The following PNOC variants were observed in gnomAD, a reference collection of about 807,000 sequenced individuals.
PNOC encodes the protein prepronociceptin, also known as nociceptin.
PNOC carries 10 observed loss-of-function variants against 15.6 expected under a neutral mutation model. The ratio of observed to expected loss-of-function variants is 0.64; its 90% CI spans 0.40 to 1.09. The LOEUF (loss-of-function observed/expected upper bound fraction) is 1.09, where lower values mean the gene tolerates loss of function less well. Among genes scored for constraint, PNOC ranks in the 50% least tolerant of loss-of-function variants. The pLI is 0.01. For synonymous variants in PNOC, 98 were observed against 88.5 expected (o/e 1.11, Z -0.60); for missense variants, 220 against 223.9 (o/e 0.98, Z 0.11).
At chr8:28,329,068 G>A in intron 1 of PNOC, 67 bp from the exon 2 acceptor site, 1 of 1,496,598 alleles carries the variant, frequency 6.7e-7, no homozygotes, top group East Asian at 2.3e-5. Flanking sequence ...CTCTGGGTTA[G>A]GTCTCTGGCC....
chr8:28,334,108 A>G (rs947298574), intron 2 of PNOC, among the ~76,000 whole-genome samples: 2 of 151,844 alleles, frequency 1.3e-5, no homozygotes, highest in Non-Finnish European at 2.9e-5. Flanking sequence ...ACAACCAACA[A>G]TGTCTCCAGA....
Position 28,339,138 on chromosome 8 carries a change from C to A in PNOC, c.225C>A (p.Ala75=). The A allele has an allele frequency of 6.2e-7, 1 of 1,612,976 alleles. No homozygotes were observed. The highest frequency in any genetic ancestry group is 8.5e-7 in the Non-Finnish European group (1 of 1,179,010). Residue 75 remains alanine (A), a synonymous_variant, in exon 3 of 4, where the codon GCC becomes GCA. Transcript: ENST00000301908. ...GGAGCTCTTGGCAGCTCAGCCCTGC[C>A]GCCCCAGAGCATGTGGCGGCTGCTC... The part of the protein sequence containing the change: ...MARSSWQLSP[A]APEHVAAALY...
intron 1 of PNOC, among the ~76,000 whole-genome samples, chr8:28,318,808 G>C (rs1383566136): frequency 6.6e-6 from 1 of 152,200 alleles, no homozygotes; most frequent in African/African-American, 2.4e-5. Flanking sequence ...GTTTTGTTGC[G>C]CACAGGGCAG....
rs372383125 is a variant in PNOC, at chr8:28,320,776, G to A, written c.-24+3460G>A. Among the ~76,000 whole-genome samples, 29 of 149,976 alleles carry A rather than the reference G, an allele frequency of 1.9e-4. No homozygotes were observed. The South Asian group carries it at 4.5e-3, about 23-fold the overall frequency. On this transcript the variant is annotated intron_variant, in intron 1 of 3. Coordinates refer to ENST00000301908, the MANE Select transcript of PNOC (RefSeq NM_006228.5). ...TGAGGCAGGAGAATGGCGTGAACTC[G>A]GGAGGTGGAGGTTGCGGTGAGCCGA...
intron 3 of PNOC, among the ~76,000 whole-genome samples, 174 bp from the exon 4 acceptor site, chr8:28,342,768 G>T (rs898136430): frequency 3.3e-5 from 5 of 152,208 alleles, no homozygotes; most frequent in Non-Finnish European, 5.9e-5. Context: ...ACCCGGGGCT[G>T]GGGGAGCAGA....
intron 1 of PNOC, among the ~76,000 whole-genome samples, chr8:28,320,515 A>C (rs1468295188): frequency 6.6e-6 from 1 of 152,148 alleles, no homozygotes; most frequent in Non-Finnish European, 1.5e-5. Flanking sequence ...TTATAAATAA[A>C]TTAGGAATGT....
At chr8:28,339,771 A>C (rs1801484244) in intron 3 of PNOC, 1 of 214,706 alleles carries the variant, frequency 4.7e-6, no homozygotes, top group South Asian at 1.7e-4. Context: ...GAGCTTAGTT[A>C]CTATGGGGAC....
intron 1 of PNOC, among the ~76,000 whole-genome samples, chr8:28,326,796 G>T (rs1305615405): frequency 1.3e-5 from 2 of 152,180 alleles, no homozygotes; most frequent in African/African-American, 4.8e-5. Flanking sequence ...GGAGGTGATG[G>T]TTGCAGTGAG....
Position 28,342,985 on chromosome 8 carries a change from C to G in PNOC, c.*91C>G. On this transcript the variant is annotated 3_prime_UTR_variant, in exon 4 of 4. Transcript: ENST00000301908. ...AAACAGCATGTGCTCAGCCCCAGACCTGCCGCCTGGGAATCAGGATTCCTT... is the reference window on the plus strand; with the variant it reads ...AAACAGCATGTGCTCAGCCCCAGACGTGCCGCCTGGGAATCAGGATTCCTT... The G allele has an allele frequency of 1.0e-6, 1 of 985,444 alleles. No homozygotes were observed. The highest frequency in any genetic ancestry group is 4.7e-5 in the South Asian group (1 of 21,294). 61.0% of individuals were successfully genotyped at this position (985,444 alleles called of 1,614,324 possible).
intron 3 of PNOC, 21 bp downstream of exon 3, chr8:28,339,512 C>G: frequency 6.8e-7 from 1 of 1,478,246 alleles, no homozygotes; most frequent in South Asian, 1.4e-5. Flanking sequence ...CACCAATAAG[C>G]TGGGGGCAAG....
chr8:28,327,984 A>T (rs1440087618), intron 1 of PNOC, among the ~76,000 whole-genome samples: 2 of 151,342 alleles, frequency 1.3e-5, no homozygotes, highest in Non-Finnish European at 2.9e-5. Flanking sequence ...CCTCTTTTAT[A>T]AGGGCACTAA....
intron 1 of PNOC, among the ~76,000 whole-genome samples, chr8:28,319,011 G>C (rs985742901): frequency 6.6e-6 from 1 of 152,192 alleles, no homozygotes; most frequent in African/African-American, 2.4e-5. Flanking sequence ...CACTCCACCA[G>C]GCAGGGAGGC....
chr8:28,326,320 C>T (rs1040865842), intron 1 of PNOC, among the ~76,000 whole-genome samples: 3 of 152,212 alleles, frequency 2.0e-5, no homozygotes, highest in Admixed American at 1.3e-4. Flanking sequence ...CCACTGCACA[C>T]CAGCCTGGGC....
intron 2 of PNOC, among the ~76,000 whole-genome samples, chr8:28,330,693 C>T (rs369291213): frequency 2.0e-5 from 3 of 151,706 alleles, no homozygotes; most frequent in Non-Finnish European, 2.9e-5. Flanking sequence ...TGAGCCACCA[C>T]GCCTGGCCTG....
chr8:28,339,282 G>A lies in PNOC; in HGVS notation c.369G>A (p.Gln123=), dbSNP rs1441337503. ...PGMEEAGEME[Q]KQLQKRFGGF... ...TGGAGGAGGCTGGTGAGATGGAGCA[G>A]AAGCAGCTGCAGAAGAGATTTGGGG... Residue 123 remains glutamine (Q), a synonymous_variant, in exon 3 of 4, where the codon CAG becomes CAA. Transcript: ENST00000301908. 6.2e-7 allele frequency: 1 copy of A among 1,610,766 alleles called. No individual in the cohort carries two copies. The highest frequency in any genetic ancestry group is 1.3e-5 in the African/African-American group (1 of 74,878).
chr8:28,339,456 G>T lies in PNOC; in HGVS notation c.*12G>T, dbSNP rs1213322002. The T allele has an allele frequency of 6.6e-7, 1 of 1,519,374 alleles. No individual in the cohort carries two copies. Among genetic ancestry groups the T allele is most frequent in the Non-Finnish European group, 8.8e-7 (1 of 1,132,348 alleles). 94.1% of individuals were successfully genotyped at this position (1,519,374 alleles called of 1,614,324 possible). ...ATGGTAATGTGTAGCCGGAAGGGGC[G>T]CTCCTCCCAGCTGTACCGGCCACTG... On this transcript the variant is annotated 3_prime_UTR_variant, in exon 3 of 4. Coordinates refer to ENST00000301908, the MANE Select transcript of PNOC (RefSeq NM_006228.5).
At chr8:28,340,372 T>C (rs572783348) in intron 3 of PNOC, among the ~76,000 whole-genome samples, 1 of 152,192 alleles carries the variant, frequency 6.6e-6, no homozygotes. Context: ...ATAATATACA[T>C]CAAATACCCT....
At chr8:28,325,694 A>T (rs1222564998) in intron 1 of PNOC, among the ~76,000 whole-genome samples, 1 of 149,468 alleles carries the variant, frequency 6.7e-6, no homozygotes, top group Non-Finnish European at 1.5e-5. Flanking sequence ...AAAGAAAGAC[A>T]TTAAGAGGCT....
chr8:28,338,086 C>T (rs1051088500), intron 2 of PNOC, among the ~76,000 whole-genome samples: 2 of 152,150 alleles, frequency 1.3e-5, no homozygotes, highest in Non-Finnish European at 2.9e-5. Context: ...GGAGCTCTGC[C>T]TACTGACTCA....
Sources: gnomAD v4.1 joint callset for allele counts (sites outside exome capture counted in the v4.1 genomes callset) on GRCh38, gnomAD v4.1.1 for gene constraint, MANE v1.5 for transcripts, NCBI Gene and HGNC (gene_info 2026-07-23, HGNC 2026-07-21) for gene names.